The following COL23A1 variants were observed in gnomAD, a reference collection of about 807,000 sequenced individuals.
COL23A1 encodes the protein collagen type XXIII alpha 1 chain, also known as collagen alpha-1(XXIII) chain.
A neutral mutation model predicts 99.3 loss-of-function variants in COL23A1; 97 were observed. The ratio of observed to expected loss-of-function variants is 0.98; its 90% CI spans 0.83 to 1.16. The LOEUF (loss-of-function observed/expected upper bound fraction) is 1.16. COL23A1 is among the 50% of genes most tolerant of loss of function. The pLI, the probability that COL23A1 is intolerant of heterozygous loss-of-function variation, is 0.00. For synonymous variants in COL23A1, 320 were observed against 308.2 expected (o/e 1.04, Z -0.40); for missense variants, 762 against 757.4 (o/e 1.01, Z -0.07).
At chr5:178,455,177 TC>T (rs1335241327) in intron 2 of COL23A1, among the ~76,000 whole-genome samples, 2 of 152,202 alleles carry the variant, frequency 1.3e-5, no homozygotes, top group Non-Finnish European at 2.9e-5. Context: ...ACTCCTGCAA[TC>T]TTTCCGGGGG....
rs1270438297 is a variant in COL23A1 at position 178,243,212 on chromosome 5, G to A, written c.1441-818C>T. On this transcript the variant is annotated intron_variant, in intron 25 of 28. Transcript: ENST00000390654. ...CTCAAAAAACAAACAAAGAGGCCAGGCATGGTGGCTCCCGCCTGTAATCCT... is the reference window on the plus strand; with the variant it reads ...CTCAAAAAACAAACAAAGAGGCCAGACATGGTGGCTCCCGCCTGTAATCCT... Among the ~76,000 whole-genome samples, 8 of 151,766 alleles carry A rather than the reference G, an allele frequency of 5.3e-5. 1 individual carries two copies. Among genetic ancestry groups the A allele is most frequent in the Admixed American group, 2.6e-4 (4 of 15,240 alleles).
chr5:178,515,292 C>T (rs1759441293), intron 2 of COL23A1, among the ~76,000 whole-genome samples: 1 of 152,254 alleles, frequency 6.6e-6, no homozygotes, highest in Admixed American at 6.5e-5. Flanking sequence ...CCTCCATGCC[C>T]AGGCAGTTTC....
Position 178,366,929 on chromosome 5 carries a change from G to C in COL23A1, c.362-60010C>G, listed in dbSNP as rs566841331. ...CTCGCCTTCCTGGCCACACCAGATG[G>C]GCTGTGCTTTCTTCACCTCTGCATT... On this transcript the variant is annotated intron_variant, in intron 2 of 28. Transcript: ENST00000390654. The surrounding 1 kb of genome is among the most constrained non-coding windows in gnomAD (Gnocchi z 4.4). Among the ~76,000 whole-genome samples the C allele has an allele frequency of 3.3e-5, 5 of 152,304 alleles. No individual in the cohort carries two copies. In the South Asian group the frequency reaches 1.0e-3, roughly 32 times the overall value.
chr5:178,525,878 G>T (rs1760276088), intron 2 of COL23A1, among the ~76,000 whole-genome samples: 1 of 152,272 alleles, frequency 6.6e-6, no homozygotes, highest in Non-Finnish European at 1.5e-5. Flanking sequence ...CAGAAGCACT[G>T]GAGAAGAGCC....
chr5:178,256,110 T>A (rs557647840), intron 15 of COL23A1, among the ~76,000 whole-genome samples: 9 of 152,320 alleles, frequency 5.9e-5, no homozygotes, highest in African/African-American at 1.9e-4. Context: ...CCGAGAGAGA[T>A]CTGGCTTCAT....
intron 8 of COL23A1, among the ~76,000 whole-genome samples, chr5:178,265,204 A>G (rs973048205): frequency 3.3e-5 from 5 of 152,238 alleles, no homozygotes; most frequent in African/African-American, 1.2e-4. Context: ...CAATTAAAAA[A>G]TCAGCAGAAG....
intron 2 of COL23A1, among the ~76,000 whole-genome samples, chr5:178,355,647 C>T (rs1761602593): frequency 6.6e-6 from 1 of 152,222 alleles, no homozygotes; most frequent in Non-Finnish European, 1.5e-5. Context: ...ATTCTCCTGC[C>T]TCAGCCTCCC....
chr5:178,392,963 C>T (rs1764044710), intron 2 of COL23A1, among the ~76,000 whole-genome samples: 1 of 152,222 alleles, frequency 6.6e-6, no homozygotes. Context: ...CGCCCTCCCT[C>T]ACTGGGTGCT....
intron 2 of COL23A1, among the ~76,000 whole-genome samples, chr5:178,545,530 G>T (rs555931650): frequency 1.3e-5 from 2 of 152,142 alleles, no homozygotes; most frequent in Non-Finnish European, 2.9e-5. Flanking sequence ...AAGGGGACAC[G>T]GAAGAAAAGG....
intron 2 of COL23A1, among the ~76,000 whole-genome samples, chr5:178,537,224 G>C (rs1562065573): frequency 6.6e-6 from 1 of 151,474 alleles, no homozygotes; most frequent in African/African-American, 2.4e-5. Flanking sequence ...TCTTAGGGGG[G>C]TCTGGGGCTT....
At chr5:178,256,473 C>T in intron 14 of COL23A1, 76 bp from the exon 15 acceptor site, 1 of 1,406,094 alleles carries the variant, frequency 7.1e-7, no homozygotes, top group South Asian at 1.4e-5. Context: ...TGCCCCCAGT[C>T]CCCTCTTCCC....
chr5:178,532,548 G>A (rs941036077), intron 2 of COL23A1, among the ~76,000 whole-genome samples: 2 of 152,052 alleles, frequency 1.3e-5, no homozygotes, highest in African/African-American at 2.4e-5. Flanking sequence ...ACAGGCGAGG[G>A]GCTATTACTG....
At chr5:178,359,577 T>C (rs1762068511) in intron 2 of COL23A1, among the ~76,000 whole-genome samples, 1 of 152,326 alleles carries the variant, frequency 6.6e-6, no homozygotes, top group South Asian at 2.1e-4. Flanking sequence ...AGAGTGCAGG[T>C]TGCTCATAAG....
At chr5:178,585,970 T>C (rs1051056376) in intron 1 of COL23A1, among the ~76,000 whole-genome samples, 7 of 152,176 alleles carry the variant, frequency 4.6e-5, no homozygotes, top group African/African-American at 1.7e-4. Context: ...TTCCCCTGAA[T>C]TGAAATTAAA....
At chr5:178,433,767 G>A (rs1246863694) in intron 2 of COL23A1, among the ~76,000 whole-genome samples, 1 of 152,226 alleles carries the variant, frequency 6.6e-6, no homozygotes, top group African/African-American at 2.4e-5. Flanking sequence ...GTTAATGGCT[G>A]AATTGTGCCC....
At chr5:178,448,008 C>T (rs1245402120) in intron 2 of COL23A1, among the ~76,000 whole-genome samples, 1 of 152,132 alleles carries the variant, frequency 6.6e-6, no homozygotes, top group Admixed American at 6.5e-5. Context: ...GGTGCTCCCC[C>T]AAAATTCATA....
chr5:178,522,814 G>T (rs1182946960), intron 2 of COL23A1, among the ~76,000 whole-genome samples: 1 of 152,092 alleles, frequency 6.6e-6, no homozygotes, highest in Non-Finnish European at 1.5e-5. Context: ...AGTGAGCTCT[G>T]CCCGAGGGCA....
At chr5:178,530,414 T>C (rs1027621448) in intron 2 of COL23A1, among the ~76,000 whole-genome samples, 7 of 152,100 alleles carry the variant, frequency 4.6e-5, no homozygotes, top group Non-Finnish European at 7.4e-5. Context: ...GTGATCCAAG[T>C]TGATGCCACT....
Position 178,590,032 on chromosome 5 carries a change from C to T in COL23A1, c.166G>A (p.Val56Ile). 1 of 1,354,348 alleles carries T rather than the reference C, an allele frequency of 7.4e-7. No homozygotes were observed. The highest frequency in any genetic ancestry group is 2.7e-4 in the Middle Eastern group (1 of 3,656). The allele number at this position is 1,354,348 out of a possible 1,614,324, so 83.9% of individuals were successfully genotyped here. A position where few individuals can be genotyped will look rare whatever the true frequency, so the allele number is the denominator to read the frequency against. The change falls in exon 1 of 29, where the codon GTC (valine) becomes ATC (isoleucine). Residue 56 changes from valine (V) to isoleucine (I), a missense_variant. Coordinates refer to ENST00000390654, the MANE Select transcript of COL23A1 (RefSeq NM_173465.4). The surrounding 1 kb of genome is among the most constrained non-coding windows in gnomAD (Gnocchi z 5.7). ...GSAAACLLLGVQAAALQGRVA... is the reference protein window; with the variant it reads ...GSAAACLLLGIQAAALQGRVA... ...CGGCCCTGCAGCGCGGCCGCCTGGA[C>T]ACCCAGCAGCAGGCAGGCAGCCGCC...
Sources: gnomAD v4.1 joint callset for allele counts (sites outside exome capture counted in the v4.1 genomes callset) on GRCh38, gnomAD v4.1.1 for gene constraint, Gnocchi (gnomAD v3.1) non-coding constraint, MANE v1.5 for transcripts, NCBI Gene and HGNC (gene_info 2026-07-23, HGNC 2026-07-21) for gene names.